The following ZNF532 variants were observed in gnomAD, a reference collection of about 807,000 sequenced individuals.
The protein encoded by ZNF532 is zinc finger protein 532.
ZNF532 carries 22 observed loss-of-function variants against 89.3 expected under a neutral mutation model. The observed-to-expected ratio is 0.25, with a 90% CI of 0.18 to 0.35. The LOEUF (loss-of-function observed/expected upper bound fraction) is 0.35. ZNF532 is among the 10% of genes least tolerant of loss of function. ZNF532 has a pLI of 1.00. For missense variants in ZNF532, 1,132 were observed against 1,643.4 expected (o/e 0.69, Z 5.38); for synonymous variants, 606 against 649.6 (o/e 0.93, Z 1.02).
chr18:58,951,882 C>G (rs2064233081), intron 6 of ZNF532, among the ~76,000 whole-genome samples: 1 of 152,082 alleles, frequency 6.6e-6, no homozygotes, highest in Admixed American at 6.5e-5. Flanking sequence ...ATCTCCTGAC[C>G]TCGTGATCCA....
At chr18:58,878,467 C>A (rs2057622831) in intron 2 of ZNF532, among the ~76,000 whole-genome samples, 1 of 152,164 alleles carries the variant, frequency 6.6e-6, no homozygotes, top group Non-Finnish European at 1.5e-5. Context: ...GGAGAGGCCC[C>A]CCTGAAGGAC....
chr18:58,875,843 T>G (rs939786577), intron 2 of ZNF532, among the ~76,000 whole-genome samples: 1 of 152,126 alleles, frequency 6.6e-6, no homozygotes, highest in Non-Finnish European at 1.5e-5. Flanking sequence ...AGCTCCAGTT[T>G]GCTGCTGGTG....
intron 2 of ZNF532, among the ~76,000 whole-genome samples, chr18:58,911,338 G>A (rs1185977575): frequency 6.6e-6 from 1 of 152,242 alleles, no homozygotes; most frequent in African/African-American, 2.4e-5. Flanking sequence ...GAAGCTGTGG[G>A]AGACCTCTTG....
intron 2 of ZNF532, among the ~76,000 whole-genome samples, chr18:58,867,013 C>T (rs993737327): frequency 2.0e-5 from 3 of 152,274 alleles, no homozygotes; most frequent in African/African-American, 7.2e-5. Flanking sequence ...AATATGCTTG[C>T]AAAGCAGATC....
At chr18:58,936,829 C>T (rs1290013058) in intron 4 of ZNF532, among the ~76,000 whole-genome samples, 3 of 152,150 alleles carry the variant, frequency 2.0e-5, no homozygotes, top group African/African-American at 7.2e-5. Context: ...TTAGTAGCCC[C>T]GTGGCCTTGT....
At chr18:58,888,324 C>T (rs2058446778) in intron 2 of ZNF532, among the ~76,000 whole-genome samples, 2 of 152,018 alleles carry the variant, frequency 1.3e-5, no homozygotes, top group Admixed American at 1.3e-4. Context: ...TACAATGTCA[C>T]GTTTTCTAAT....
chr18:58,918,608 A>G lies in ZNF532; in HGVS notation c.321A>G (p.Ala107=). Residue 107 remains alanine (A), a synonymous_variant, in exon 3 of 10, where the codon GCA becomes GCG. Coordinates refer to ENST00000591808, the MANE Select transcript of ZNF532 (RefSeq NM_001375912.1). ...SSLDSYSKDG[A]KSLKGDVPAS... ...TTGACAGTTACAGTAAAGATGGAGC[A>G]AAGTCCTTGAAAGGAGATGTGCCTG... 3 of 1,614,212 alleles carry G rather than the reference A, an allele frequency of 1.9e-6. No homozygotes were observed. The highest frequency in any genetic ancestry group is 2.5e-6 in the Non-Finnish European group (3 of 1,180,044).
chr18:58,875,941 T>TTC (rs1231970671), intron 2 of ZNF532, among the ~76,000 whole-genome samples: 1 of 148,524 alleles, frequency 6.7e-6, no homozygotes, highest in African/African-American at 2.5e-5. Context: ...CTTTTTTTTT[T>TTC]TTTTTTTTTG....
At chr18:58,864,631 G>A, upstream of ZNF532, 1 of 151,214 alleles carries the variant, frequency 6.6e-6, no homozygotes, top group Non-Finnish European at 1.5e-5. Flanking sequence ...GTGCTTGCGA[G>A]GTGAGCATTT....
At chr18:58,948,541 T>C (rs1221834875) in intron 6 of ZNF532, among the ~76,000 whole-genome samples, 1 of 151,814 alleles carries the variant, frequency 6.6e-6, no homozygotes, top group Non-Finnish European at 1.5e-5. Flanking sequence ...AAATGATGAC[T>C]GTGAAGTTTT....
At chr18:58,923,930 C>T (rs920653246) in intron 3 of ZNF532, among the ~76,000 whole-genome samples, 2 of 152,130 alleles carry the variant, frequency 1.3e-5, no homozygotes, top group Non-Finnish European at 1.5e-5. Flanking sequence ...GATCTCGGCT[C>T]ATGGCAACCT....
chr18:58,892,769 TGGG>T (rs911812820), intron 2 of ZNF532, among the ~76,000 whole-genome samples: 1 of 152,156 alleles, frequency 6.6e-6, no homozygotes, highest in African/African-American at 2.4e-5. Flanking sequence ...GTTCCCCAAG[TGGG>T]GGCGTGGCAG....
At chr18:58,971,683 T>C (rs1449312967) in intron 7 of ZNF532, among the ~76,000 whole-genome samples, 1 of 152,206 alleles carries the variant, frequency 6.6e-6, no homozygotes, top group Non-Finnish European at 1.5e-5. Context: ...GTGAACGTGC[T>C]AGTGGTGGTA....
chr18:58,881,857 A>G (rs1349986196), intron 2 of ZNF532, among the ~76,000 whole-genome samples: 1 of 152,166 alleles, frequency 6.6e-6, no homozygotes, highest in Non-Finnish European at 1.5e-5. Context: ...GCTTTTATTC[A>G]TTGTTTTTCC....
In ZNF532 at chr18:58,959,253, G is replaced by GTTTTTTTTT. The variant is rs201150500; in HGVS notation, c.3150+5460_3150+5461insTTTTTTTTT. Among the ~76,000 whole-genome samples the GTTTTTTTTT allele has an allele frequency of 6.5e-4, 79 of 121,602 alleles. 1 individual carries two copies. The highest frequency in any genetic ancestry group is 4.4e-3 in the East Asian group (14 of 3,198). The allele number at this position is 121,602 out of a possible 152,430, so 79.8% of individuals were successfully genotyped here. Reference sequence around the variant, plus strand: ...GAACCTTAGATCTTTTCAGTTTTTTGTTTTTTGTTTTTTTTTGTTTTTTTT... The same window carrying GTTTTTTTTT: ...GAACCTTAGATCTTTTCAGTTTTTTGTTTTTTTTTTTTTTTGTTTTTTTTTGTTTTTTTT... On this transcript the variant is annotated intron_variant, in intron 7 of 9. Transcript: ENST00000591808.
At chr18:58,901,455 C>T (rs1233335388) in intron 2 of ZNF532, among the ~76,000 whole-genome samples, 2 of 152,176 alleles carry the variant, frequency 1.3e-5, no homozygotes, top group African/African-American at 4.8e-5. Context: ...GTCCACGCCC[C>T]TCCGATATCT....
chr18:58,918,874 A>T lies in ZNF532; in HGVS notation c.587A>T (p.Glu196Val). 1 of 1,614,174 alleles carries T rather than the reference A, an allele frequency of 6.2e-7. No homozygotes were observed. The highest frequency in any genetic ancestry group is 8.5e-7 in the Non-Finnish European group (1 of 1,180,046). The change falls in exon 3 of 10, where the codon GAG becomes GTG. Residue 196 changes from glutamate (E) to valine (V), a missense_variant. Glu to Val is a moderately radical substitution (Grantham distance 121). Coordinates refer to ENST00000591808, the MANE Select transcript of ZNF532 (RefSeq NM_001375912.1). ...KTGLSTSGNV[E>V]KNKAVKRETE... Reference sequence around the variant, plus strand: ...GGACTCTCTACGTCAGGCAATGTGGAGAAAAACAAAGCTGTTAAGAGAGAA... The same window carrying T: ...GGACTCTCTACGTCAGGCAATGTGGTGAAAAACAAAGCTGTTAAGAGAGAA...
At position 58,936,305 on chromosome 18, in the gene ZNF532, G is replaced by T. The variant is rs563182312; in HGVS notation, c.2528+1691G>T. Among the ~76,000 whole-genome samples the T allele has an allele frequency of 3.3e-5, 5 of 152,320 alleles. No homozygotes were observed. In the South Asian group the frequency reaches 1.0e-3, roughly 32 times the overall value. On this transcript the variant is annotated intron_variant, in intron 4 of 9. Coordinates refer to ENST00000591808, the MANE Select transcript of ZNF532 (RefSeq NM_001375912.1). ...ACTTTCGTTCTTGCCATCACGTTTT[G>T]AAACTATTATTAATGGATTATGTGT...
At chr18:58,966,952 G>A (rs371517895) in intron 7 of ZNF532, among the ~76,000 whole-genome samples, 1 of 152,062 alleles carries the variant, frequency 6.6e-6, no homozygotes, top group Non-Finnish European at 1.5e-5. Flanking sequence ...ATTAACTCTT[G>A]TTATTGTTAT....
Sources: allele counts gnomAD v4.1 joint callset (sites outside exome capture counted in the v4.1 genomes callset), GRCh38; gene constraint gnomAD v4.1.1; transcripts MANE v1.5; gene names NCBI Gene and HGNC (gene_info 2026-07-23, HGNC 2026-07-21).